Variants in PDZRN3 observed in about 807,000 individuals in gnomAD.
PDZRN3 encodes the protein E3 ubiquitin-protein ligase PDZRN3.
In PDZRN3, 38 loss-of-function variants were observed where a neutral mutation model predicts 85.7. The observed-to-expected ratio is 0.44, with a 90% CI of 0.34 to 0.58. PDZRN3 has a LOEUF of 0.58. Ranked by LOEUF, PDZRN3 falls within the 20% of genes least tolerant of loss-of-function variation. PDZRN3 has a pLI of 0.01. For missense variants in PDZRN3, 1,629 were observed against 1,506.4 expected (o/e 1.08, Z -1.35); for synonymous variants, 759 against 638.0 (o/e 1.19, Z -2.86).
chr3:73,417,027 G>T (rs756292204), intron 3 of PDZRN3, among the ~76,000 whole-genome samples: 7 of 151,458 alleles, frequency 4.6e-5, no homozygotes, highest in Middle Eastern at 3.2e-3. Context: ...GATGGCATGC[G>T]CCATCAGGCC....
intron 1 of PDZRN3, among the ~76,000 whole-genome samples, chr3:73,617,334 T>C (rs1702779277): frequency 6.6e-6 from 1 of 152,190 alleles, no homozygotes; most frequent in Non-Finnish European, 1.5e-5. Flanking sequence ...AGAGTAATCA[T>C]TATGTTATAC....
At position 73,624,618 on chromosome 3, in the gene PDZRN3, G is replaced by C; in HGVS notation, c.208C>G (p.Pro70Ala). ...LSAKELNHVLPLKRLILKLDI... is the reference protein window; with the variant it reads ...LSAKELNHVLALKRLILKLDI... ...AGCTTGAGGATAAGGCGCTTGAGCGGCAGGACGTGGTTGAGCTCTTTGGCC... is the reference window on the plus strand; with the variant it reads ...AGCTTGAGGATAAGGCGCTTGAGCGCCAGGACGTGGTTGAGCTCTTTGGCC... The change falls in exon 1 of 10, where the codon CCG (proline) becomes GCG (alanine). Residue 70 changes from proline (P) to alanine (A), a missense_variant. Transcript: ENST00000263666. 1 of 1,557,978 alleles carries C rather than the reference G, an allele frequency of 6.4e-7. No homozygotes were observed. The highest frequency in any genetic ancestry group is 8.7e-7 in the Non-Finnish European group (1 of 1,155,726).
rs1312621615 is a variant in PDZRN3, at chr3:73,383,291, C to T, written c.*74G>A. The stretch of plus-strand genomic sequence containing the variant: ...TACTTATCTTATATACAAAAACTTG[C>T]CGCATTGAACGAGGCAGGAATTTCT... On this transcript the variant is annotated 3_prime_UTR_variant, in exon 10 of 10. Transcript: ENST00000263666. 1.4e-6 allele frequency: 2 copies of T among 1,386,740 alleles called. No homozygotes were observed. Among genetic ancestry groups the T allele is most frequent in the African/African-American group, 1.4e-5 (1 of 69,088 alleles). The allele number at this position is 1,386,740 out of a possible 1,614,324, so 85.9% of individuals were successfully genotyped here.
rs936368036 is a variant in PDZRN3, at chr3:73,507,069, A to T, written c.918+95285T>A. Among the ~76,000 whole-genome samples, 8 of 152,356 alleles carry T rather than the reference A, an allele frequency of 5.3e-5. No homozygotes were observed. The Middle Eastern group carries it at 0.01, about 194-fold the overall frequency. On this transcript the variant is annotated intron_variant, in intron 3 of 9. Transcript: ENST00000263666. ...CTGAAAAACTACCTAATGACAAAAT[A>T]TTGTTTGTGGAACACTGCAAAGTAA...
At chr3:73,521,978 G>A (rs889900217) in intron 3 of PDZRN3, among the ~76,000 whole-genome samples, 2 of 152,186 alleles carry the variant, frequency 1.3e-5, no homozygotes, top group Non-Finnish European at 2.9e-5. Flanking sequence ...TGGCCCATGG[G>A]CTGTTTCTGT....
chr3:73,385,551 C>T (rs1701358291), intron 9 of PDZRN3, 118 bp downstream of exon 9: 2 of 666,340 alleles, frequency 3.0e-6, no homozygotes, highest in East Asian at 2.6e-5. Context: ...TGTTTTCTTG[C>T]TGCCTTCCAG....
At chr3:73,437,553 A>T (rs1702554174) in intron 3 of PDZRN3, among the ~76,000 whole-genome samples, 1 of 152,194 alleles carries the variant, frequency 6.6e-6, no homozygotes, top group Admixed American at 6.5e-5. Context: ...TCTGGTGTCT[A>T]AGAGCCTCAC....
At chr3:73,500,656 G>T (rs1043210273) in intron 3 of PDZRN3, among the ~76,000 whole-genome samples, 6 of 152,080 alleles carry the variant, frequency 3.9e-5, no homozygotes, top group Non-Finnish European at 7.4e-5. Flanking sequence ...ATCTTTTTAT[G>T]TTGGCATCTT....
At chr3:73,406,839 C>A (rs1701864829) in intron 3 of PDZRN3, among the ~76,000 whole-genome samples, 2 of 152,150 alleles carry the variant, frequency 1.3e-5, no homozygotes, top group South Asian at 4.1e-4. Flanking sequence ...GAATTAGAAT[C>A]CAGGCATCTT....
At chr3:73,531,862 C>T (rs1378353967) in intron 3 of PDZRN3, among the ~76,000 whole-genome samples, 1 of 152,208 alleles carries the variant, frequency 6.6e-6, no homozygotes, top group Non-Finnish European at 1.5e-5. Flanking sequence ...TACATCTCCA[C>T]CCAACGGAAG....
chr3:73,569,485 A>C lies in PDZRN3; in HGVS notation c.918+32869T>G, dbSNP rs1702011739. 12 of 1,092,180 alleles carry C rather than the reference A, an allele frequency of 1.1e-5. 1 individual carries two copies. The South Asian group carries it at 2.7e-4, about 25-fold the overall frequency. The allele number at this position is 1,092,180 out of a possible 1,614,324, so 67.7% of individuals were successfully genotyped here. A position where few individuals can be genotyped will look rare whatever the true frequency, so the allele number is the denominator to read the frequency against. ...ACACTGACAATTTCCACTGCACAGA[A>C]TGCCTTTCTCCTCTTCTCTGCAATG... On this transcript the variant is annotated intron_variant, in intron 3 of 9. Transcript: ENST00000263666.
At chr3:73,520,308 G>A (rs893143144) in intron 3 of PDZRN3, among the ~76,000 whole-genome samples, 1 of 152,008 alleles carries the variant, frequency 6.6e-6, no homozygotes, top group Non-Finnish European at 1.5e-5. Flanking sequence ...AGTTCAAGAG[G>A]AGCCTGGGCA....
At chr3:73,619,940 G>C (rs1702828653) in intron 1 of PDZRN3, among the ~76,000 whole-genome samples, 2 of 152,224 alleles carry the variant, frequency 1.3e-5, no homozygotes, top group Non-Finnish European at 2.9e-5. Flanking sequence ...GGCCAATTTT[G>C]CCCCTCAAGG....
rs564100494 is a variant in PDZRN3 at position 73,384,921 on chromosome 3, C to T, written c.1645G>A (p.Asp549Asn). The T allele has an allele frequency of 1.3e-6, 2 of 1,597,936 alleles. No individual in the cohort carries two copies. The highest frequency in any genetic ancestry group is 2.2e-5 in the East Asian group (1 of 44,704). The change falls in exon 10 of 10, where the codon GAC becomes AAC. Residue 549 changes from aspartate (D) to asparagine (N), a missense_variant. Transcript: ENST00000263666. ...TASVLQQKKHDEDGGTTDTAT... is the reference protein window; with the variant it reads ...TASVLQQKKHNEDGGTTDTAT... ...GTATCTGTGGTCCCACCGTCTTCGTCGTGCTTCTTCTGCATAAACACAAGA... is the reference window on the plus strand; with the variant it reads ...GTATCTGTGGTCCCACCGTCTTCGTTGTGCTTCTTCTGCATAAACACAAGA...
chr3:73,617,252 C>A (rs970045200), intron 1 of PDZRN3, among the ~76,000 whole-genome samples: 3 of 152,160 alleles, frequency 2.0e-5, no homozygotes, highest in Non-Finnish European at 2.9e-5. Flanking sequence ...CTTTAAATTC[C>A]CTGTAAATAT....
At chr3:73,473,739 G>A (rs986758136) in intron 3 of PDZRN3, among the ~76,000 whole-genome samples, 5 of 152,184 alleles carry the variant, frequency 3.3e-5, no homozygotes, top group Admixed American at 2.6e-4. Flanking sequence ...GCAGACCCAC[G>A]TGGTGAGGAA....
chr3:73,425,377 G>T (rs1226243478), intron 3 of PDZRN3, among the ~76,000 whole-genome samples: 1 of 152,102 alleles, frequency 6.6e-6, no homozygotes, highest in African/African-American at 2.4e-5. Flanking sequence ...TTCAAAGGGT[G>T]ATTCCCAGGC....
At chr3:73,449,833 A>G (rs1159961431) in intron 3 of PDZRN3, among the ~76,000 whole-genome samples, 1 of 152,182 alleles carries the variant, frequency 6.6e-6, no homozygotes, top group Non-Finnish European at 1.5e-5. Flanking sequence ...AAAATGCTTC[A>G]GTCTGGGGTG....
At chr3:73,386,494 G>T (rs985973844) in intron 8 of PDZRN3, among the ~76,000 whole-genome samples, 1 of 152,078 alleles carries the variant, frequency 6.6e-6, no homozygotes, top group African/African-American at 2.4e-5. Flanking sequence ...GAGCCTGGCT[G>T]GATATCACTT....
Sources: allele counts gnomAD v4.1 joint callset (sites outside exome capture counted in the v4.1 genomes callset), GRCh38; gene constraint gnomAD v4.1.1; transcripts MANE v1.5; gene names NCBI Gene and HGNC (gene_info 2026-07-23, HGNC 2026-07-21).